PTPRC: variants seen among roughly 807,000 people sequenced by gnomAD.
The protein encoded by PTPRC is receptor-type tyrosine-protein phosphatase C.
Under a neutral mutation model 155.9 loss-of-function variants are expected in PTPRC, and 44 were observed. The observed-to-expected ratio is 0.28, with a 90% confidence interval of 0.22 to 0.36. The LOEUF is 0.36. PTPRC is among the 10% of genes least tolerant of loss of function. PTPRC has a pLI of 1.00. For missense variants in PTPRC, 1,401 were observed against 1,564.6 expected (o/e 0.90, Z 1.76); for synonymous variants, 525 against 533.1 (o/e 0.98, Z 0.21).
At position 198,756,396 on chromosome 1, in the gene PTPRC, T is replaced by C. The variant is rs576083302; in HGVS notation, c.*215T>C. 1.1e-5 allele frequency: 7 copies of C among 626,960 alleles called. No homozygotes were observed. Among genetic ancestry groups the C allele is most frequent in the Middle Eastern group, 8.9e-4 (2 of 2,244 alleles). The allele number at this position is 626,960 out of a possible 1,614,324, so 38.8% of individuals were successfully genotyped here. A position where few individuals can be genotyped will look rare whatever the true frequency, so the allele number is the denominator to read the frequency against. ...TATGCTTATTTTAAAATTTTATCTC[T>C]TATTCAGTAAAAAACAACTTCTTTG... On this transcript the variant is annotated 3_prime_UTR_variant, in exon 33 of 33. Transcript: ENST00000442510.
chr1:198,734,487 C>A, intron 22 of PTPRC, 62 bp downstream of exon 22: 2 of 1,448,372 alleles, frequency 1.4e-6, no homozygotes, highest in Non-Finnish European at 1.9e-6. Flanking sequence ...TGTTGAATGG[C>A]ATTTTGAAAA....
intron 2 of PTPRC, among the ~76,000 whole-genome samples, chr1:198,663,431 A>T (rs1024016197): frequency 6.6e-6 from 1 of 152,232 alleles, no homozygotes; most frequent in Non-Finnish European, 1.5e-5. Context: ...GCACAGGTGC[A>T]TTTGTGGAAA....
chr1:198,722,517 T>C (rs1421789892), intron 15 of PTPRC, 41 bp downstream of exon 15: 1 of 1,134,232 alleles, frequency 8.8e-7, no homozygotes, highest in Non-Finnish European at 1.2e-6. Context: ...TATTAAGATA[T>C]ATATTAATGC....
At chr1:198,700,073 A>T (rs1666392434) in intron 5 of PTPRC, 2 of 316,426 alleles carry the variant, frequency 6.3e-6, no homozygotes, top group South Asian at 3.0e-5. Context: ...CAAAAGGGTG[A>T]AGAGTGATTC....
At chr1:198,750,700 T>A in intron 29 of PTPRC, 74 bp downstream of exon 29, 1 of 1,546,224 alleles carries the variant, frequency 6.5e-7, no homozygotes, top group Non-Finnish European at 8.9e-7. Flanking sequence ...GATTGCTTGC[T>A]TCATCGCCAT....
In PTPRC at chr1:198,704,455, T is replaced by A; in HGVS notation, c.659-17T>A. The stretch of plus-strand genomic sequence containing the variant: ...AAGCAAAATTTTAATAATTTACATT[T>A]TTTTTCTCCATTACAGCTACTACTC... On this transcript the variant is annotated splice_polypyrimidine_tract_variant and intron_variant, in intron 7 of 32. Coordinates refer to ENST00000442510, the MANE Select transcript of PTPRC (RefSeq NM_002838.5). The A allele has an allele frequency of 1.9e-6, 3 of 1,613,898 alleles. No homozygotes were observed. The highest frequency in any genetic ancestry group is 2.5e-6 in the Non-Finnish European group (3 of 1,179,916).
intron 26 of PTPRC, among the ~76,000 whole-genome samples, chr1:198,747,843 A>G (rs1655205026): frequency 6.6e-6 from 1 of 151,820 alleles, no homozygotes; most frequent in Non-Finnish European, 1.5e-5. Context: ...AAACTATATT[A>G]TTTTTCTATC....
chr1:198,712,317 C>T (rs1653355114), intron 11 of PTPRC, among the ~76,000 whole-genome samples: 1 of 152,128 alleles, frequency 6.6e-6, no homozygotes, highest in South Asian at 2.1e-4. Flanking sequence ...GAAAGTTGAT[C>T]AGAAGGTACG....
At chr1:198,708,966 G>T (rs141049834) in intron 10 of PTPRC, among the ~76,000 whole-genome samples, 1 of 152,172 alleles carries the variant, frequency 6.6e-6, no homozygotes, top group African/African-American at 2.4e-5. Context: ...GGAGCATTGC[G>T]CTGGGTGTAA....
chr1:198,732,634 T>C, intron 20 of PTPRC, 78 bp downstream of exon 20: 1 of 1,161,910 alleles, frequency 8.6e-7, no homozygotes, highest in East Asian at 2.6e-5. Context: ...ATTTTAGAAA[T>C]ATTATTAAAA....
rs71150933 is a variant in PTPRC, at chr1:198,642,899, TCTTTCTTC to T, written c.73+3566_73+3573del. On this transcript the variant is annotated intron_variant, in intron 2 of 32. Transcript: ENST00000442510. ...GGGAAGGGATCTTTTTTCTTTTCTT[TCTTTCTTC>T]CTTTCTTTCTTTCTTTCTTTCTTTC... 2.2e-3 allele frequency among the ~76,000 whole-genome samples: 234 copies of T among 106,012 alleles called. 2 individuals are homozygous for T. The Middle Eastern group carries it at 0.023, about 10-fold the overall frequency. The allele number at this position is 106,012 out of a possible 152,430, so 69.5% of individuals were successfully genotyped here. A position where few individuals can be genotyped will look rare whatever the true frequency, so the allele number is the denominator to read the frequency against.
chr1:198,675,455 CT>C (rs1238568773), intron 2 of PTPRC, among the ~76,000 whole-genome samples: 11 of 152,048 alleles, frequency 7.2e-5, no homozygotes, highest in Admixed American at 5.9e-4. Context: ...AAGAATCCAT[CT>C]AATTTTAGCT....
intron 3 of PTPRC, chr1:198,695,257 A>G: frequency 1.2e-6 from 1 of 838,298 alleles, no homozygotes; most frequent in Non-Finnish European, 1.4e-6. Flanking sequence ...CTCCTTTTCT[A>G]GTTTCTCTCA....
rs80177772 is a variant in PTPRC, at chr1:198,645,647, A to G, written c.73+6306A>G. Among the ~76,000 whole-genome samples, 10 of 151,972 alleles carry G rather than the reference A, an allele frequency of 6.6e-5. No homozygotes were observed. The East Asian group carries it at 1.7e-3, about 27-fold the overall frequency. On this transcript the variant is annotated intron_variant, in intron 2 of 32. Coordinates refer to ENST00000442510, the MANE Select transcript of PTPRC (RefSeq NM_002838.5). The stretch of plus-strand genomic sequence containing the variant: ...ATGTGAGCCCATGAAATCAGAGCAC[A>G]TAGCCTTTTAGCATAAACTTGATTC...
At chr1:198,736,572 T>C (rs1370413596) in intron 23 of PTPRC, among the ~76,000 whole-genome samples, 1 of 151,728 alleles carries the variant, frequency 6.6e-6, no homozygotes, top group African/African-American at 2.4e-5. Context: ...CTACATTTTG[T>C]TTATCCATTC....
intron 22 of PTPRC, among the ~76,000 whole-genome samples, chr1:198,734,811 C>G (rs761300725): frequency 7.3e-5 from 11 of 151,690 alleles, no homozygotes; most frequent in Non-Finnish European, 1.5e-4. Flanking sequence ...AAAAGCCTCT[C>G]TGTCCCCCTA....
chr1:198,681,985 C>G (rs2102333798), intron 2 of PTPRC, among the ~76,000 whole-genome samples: 1 of 152,278 alleles, frequency 6.6e-6, no homozygotes, highest in East Asian at 1.9e-4. Context: ...CATTTGGTAG[C>G]GCCTGTGTGC....
intron 2 of PTPRC, among the ~76,000 whole-genome samples, chr1:198,670,421 A>C (rs1274564425): frequency 2.0e-5 from 3 of 152,176 alleles, no homozygotes; most frequent in African/African-American, 7.2e-5. Context: ...ACATAGAAAA[A>C]GGAAGACAAA....
intron 26 of PTPRC, among the ~76,000 whole-genome samples, chr1:198,744,408 AC>A (rs1267468807): frequency 6.6e-6 from 1 of 151,892 alleles, no homozygotes; most frequent in East Asian, 1.9e-4. Flanking sequence ...ATTTCTTTAG[AC>A]CCAGAAATCT....
Sources: gnomAD v4.1 joint callset for allele counts (sites outside exome capture counted in the v4.1 genomes callset) on GRCh38, gnomAD v4.1.1 for gene constraint, MANE v1.5 for transcripts, NCBI Gene and HGNC (gene_info 2026-07-23, HGNC 2026-07-21) for gene names.